Variants in SLC35D4 observed in about 807,000 individuals in gnomAD.
The protein encoded by SLC35D4 is solute carrier family 35 member D4.
the SLC35D4 span, among the ~76,000 whole-genome samples, chr18:23,393,489 T>A: frequency 6.6e-6 from 1 of 152,222 alleles, no homozygotes; most frequent in Admixed American, 6.5e-5. Flanking sequence ...GTACCAGATA[T>A]AAGTGGAGTC....
the SLC35D4 span, among the ~76,000 whole-genome samples, chr18:23,432,152 C>T: frequency 3.9e-5 from 6 of 152,204 alleles, no homozygotes; most frequent in Non-Finnish European, 4.4e-5. Context: ...AACTGAGCAT[C>T]TGAGTCACAG....
At chr18:23,263,609 T>C in the SLC35D4 span, among the ~76,000 whole-genome samples, 306 of 152,316 alleles carry the variant, frequency 2.0e-3, 1 homozygote, top group Non-Finnish European at 1.7e-3. Context: ...CATGTGTAGA[T>C]TTTCCACCAT....
At chr18:23,270,718 A>G in the SLC35D4 span, among the ~76,000 whole-genome samples, 1 of 152,228 alleles carries the variant, frequency 6.6e-6, no homozygotes, top group Non-Finnish European at 1.5e-5. Flanking sequence ...TATGTGAGTA[A>G]TAATAAAACT....
At chr18:23,401,821 A>G in the SLC35D4 span, among the ~76,000 whole-genome samples, 1 of 152,224 alleles carries the variant, frequency 6.6e-6, no homozygotes, top group Non-Finnish European at 1.5e-5. Context: ...TTGAATGGCC[A>G]TGGATGTGAG....
At chr18:23,243,681 T>C in the SLC35D4 span, among the ~76,000 whole-genome samples, 2 of 151,958 alleles carry the variant, frequency 1.3e-5, no homozygotes, top group African/African-American at 4.8e-5. Flanking sequence ...GAGACCATTC[T>C]GGCCAACATG....
At chr18:23,373,668 G>A in the SLC35D4 span, 1 of 1,606,484 alleles carries the variant, frequency 6.2e-7, no homozygotes, top group Admixed American at 1.7e-5. Context: ...AGGCTTCAGA[G>A]AATAAAAGAC....
At chr18:23,306,045 T>C in the SLC35D4 span, among the ~76,000 whole-genome samples, 1 of 152,152 alleles carries the variant, frequency 6.6e-6, no homozygotes. Flanking sequence ...ATGAATCTCC[T>C]ACCGATGTTC....
the SLC35D4 span, among the ~76,000 whole-genome samples, chr18:23,400,545 T>C: frequency 4.6e-5 from 7 of 152,142 alleles, no homozygotes; most frequent in Non-Finnish European, 8.8e-5. Flanking sequence ...GAGAATCACC[T>C]GAGCTCAGGA....
chr18:23,369,688 T>TAA, the SLC35D4 span, among the ~76,000 whole-genome samples: 14 of 152,134 alleles, frequency 9.2e-5, no homozygotes, highest in Admixed American at 2.6e-4. Flanking sequence ...CACACATGGC[T>TAA]AAAGGCAGAC....
chr18:23,399,644 A>T, the SLC35D4 span: 1 of 1,613,684 alleles, frequency 6.2e-7, no homozygotes, highest in Non-Finnish European at 8.5e-7. Context: ...CAAGAACATG[A>T]GATCTGAAAA....
chr18:23,274,620 T>A, the SLC35D4 span, among the ~76,000 whole-genome samples: 7 of 152,148 alleles, frequency 4.6e-5, no homozygotes, highest in Non-Finnish European at 1.0e-4. Context: ...TATTCCCCAC[T>A]GGAACTCCCA....
At chr18:23,271,108 G>A in the SLC35D4 span, among the ~76,000 whole-genome samples, 2 of 152,166 alleles carry the variant, frequency 1.3e-5, no homozygotes, top group African/African-American at 2.4e-5. Context: ...AATCATGGGG[G>A]TAGGTTTTTC....
the SLC35D4 span, among the ~76,000 whole-genome samples, chr18:23,389,278 C>T: frequency 7.2e-5 from 11 of 152,106 alleles, no homozygotes; most frequent in Non-Finnish European, 1.6e-4. Context: ...CACAGGCCAC[C>T]GTGCCTGGCC....
the SLC35D4 span, among the ~76,000 whole-genome samples, chr18:23,265,330 G>A: frequency 6.6e-6 from 1 of 152,110 alleles, no homozygotes; most frequent in East Asian, 1.9e-4. Context: ...TTCTTGGACA[G>A]TTCCTTCACT....
At chr18:23,334,584 G>A in the SLC35D4 span, among the ~76,000 whole-genome samples, 7 of 152,142 alleles carry the variant, frequency 4.6e-5, no homozygotes, top group East Asian at 1.9e-4. Flanking sequence ...CAATTTGCTC[G>A]TACTTCACTG....
chr18:23,337,002 AGTGTGT>A, the SLC35D4 span, among the ~76,000 whole-genome samples: 143 of 148,006 alleles, frequency 9.7e-4, 2 homozygotes, highest in South Asian at 8.6e-3. Context: ...TTTCCCCTGT[AGTGTGT>A]GTGTGTGTGT....
chr18:23,258,483 A>G, the SLC35D4 span: 1 of 152,150 alleles, frequency 6.6e-6, no homozygotes, highest in Non-Finnish European at 1.5e-5. Flanking sequence ...AGGGCTGTTC[A>G]TGCAAGATTT....
the SLC35D4 span, among the ~76,000 whole-genome samples, chr18:23,293,055 T>C: frequency 2.0e-5 from 3 of 152,056 alleles, no homozygotes; most frequent in Non-Finnish European, 2.9e-5. Context: ...GCCTGACCAA[T>C]GTTGTGAAAC....
the SLC35D4 span, among the ~76,000 whole-genome samples, chr18:23,429,785 G>T: frequency 6.6e-6 from 1 of 152,152 alleles, no homozygotes. Flanking sequence ...TTTTTCATAT[G>T]TTGGCCACTT....
Sources: gnomAD v4.1 joint callset for allele counts (sites outside exome capture counted in the v4.1 genomes callset) on GRCh38, gnomAD v4.1.1 for gene constraint, MANE v1.5 for transcripts, NCBI Gene and HGNC (gene_info 2026-07-23, HGNC 2026-07-21) for gene names.